SLC25A12: variants seen among roughly 807,000 people sequenced by gnomAD.
SLC25A12 encodes electrogenic aspartate/glutamate antiporter SLC25A12, mitochondrial.
In SLC25A12, 32 loss-of-function variants were observed where a neutral mutation model predicts 83.3. The ratio of observed to expected loss-of-function variants is 0.38; its 90% CI spans 0.29 to 0.52. SLC25A12 has a LOEUF of 0.52. SLC25A12 is among the 20% of genes least tolerant of loss of function. The probability of loss-of-function intolerance (pLI) is 0.84; values close to 1 mark genes in which losing one functional copy is unlikely to be tolerated. For synonymous variants in SLC25A12, 267 were observed against 291.1 expected, an observed-to-expected ratio of 0.92 and a Z score of 0.84; for missense variants, 611 against 835.6, an observed-to-expected ratio of 0.73 and a Z score of 3.31.
intron 2 of SLC25A12, among the ~76,000 whole-genome samples, chr2:171,875,362 CTTGCT>C (rs1685542423): frequency 6.6e-6 from 1 of 152,164 alleles, no homozygotes; most frequent in South Asian, 2.1e-4. Flanking sequence ...TCATTCTTTC[CTTGCT>C]TTGCTGGGCG....
At chr2:171,811,564 T>A (rs1342872549) in intron 11 of SLC25A12, among the ~76,000 whole-genome samples, 1 of 152,200 alleles carries the variant, frequency 6.6e-6, no homozygotes, top group East Asian at 1.9e-4. Flanking sequence ...TTGTCAATCA[T>A]CTGACAGAAT....
intron 13 of SLC25A12, among the ~76,000 whole-genome samples, chr2:171,797,615 G>C (rs547973040): frequency 6.6e-6 from 1 of 152,024 alleles, no homozygotes; most frequent in Non-Finnish European, 1.5e-5. Context: ...GTCTTCTCTC[G>C]CATATTCTTC....
In SLC25A12 at chr2:171,866,259, G is replaced by A. The variant is rs528629438; in HGVS notation, c.209+2422C>T. Among the ~76,000 whole-genome samples the A allele has an allele frequency of 3.3e-3, 476 of 143,130 alleles. 1 individual carries two copies. Among genetic ancestry groups the A allele is most frequent in the Middle Eastern group, 0.014 (4 of 282 alleles). The allele number at this position is 143,130 out of a possible 152,430, so 93.9% of individuals were successfully genotyped here. On this transcript the variant is annotated intron_variant, in intron 3 of 17. Transcript: ENST00000422440. ...TTCTACACAGACACGGCAACCATCC[G>A]ATTTCTCAATCTTTTCCCCACCTTT...
rs1686000754 is a variant in SLC25A12, at chr2:171,894,117, TA to T, written c.12+85del. 4.6e-6 allele frequency: 7 copies of T among 1,517,244 alleles called. No individual in the cohort carries two copies. The Admixed American group carries it at 5.8e-5, about 13-fold the overall frequency. 94.0% of individuals were successfully genotyped at this position (1,517,244 alleles called of 1,614,324 possible). A position where few individuals can be genotyped will look rare whatever the true frequency, so the allele number is the denominator to read the frequency against. Reference sequence around the variant, plus strand: ...AGCTATCTAAGACCTAGACAATGAATAAAATGGGAAGCAGTGGGGGGCTGCA... The same window carrying T: ...AGCTATCTAAGACCTAGACAATGAATAAATGGGAAGCAGTGGGGGGCTGCA... On this transcript the variant is annotated intron_variant, in intron 1 of 17. Coordinates refer to ENST00000422440, the MANE Select transcript of SLC25A12 (RefSeq NM_003705.5).
chr2:171,807,089 T>C (rs755064872), intron 13 of SLC25A12, among the ~76,000 whole-genome samples: 4 of 152,270 alleles, frequency 2.6e-5, no homozygotes, highest in African/African-American at 9.6e-5. Flanking sequence ...CAATCATTTA[T>C]AGCATAGCAT....
intron 4 of SLC25A12, among the ~76,000 whole-genome samples, chr2:171,849,007 T>C (rs1684856326): frequency 6.6e-6 from 1 of 152,132 alleles, no homozygotes; most frequent in Non-Finnish European, 1.5e-5. Context: ...CTGGCCAACA[T>C]GGTAAAACCC....
chr2:171,849,558 C>CTTTTTTT (rs72304626), intron 4 of SLC25A12, among the ~76,000 whole-genome samples: 2 of 114,588 alleles, frequency 1.7e-5, no homozygotes, highest in Non-Finnish European at 1.7e-5. Context: ...GTGGTGTGAT[C>CTTTTTTT]TTTTTTTTTT....
rs373838943 is a variant in SLC25A12, at chr2:171,856,089, A to G, written c.210-140T>C. 117 of 658,772 alleles carry G rather than the reference A, an allele frequency of 1.8e-4. 2 individuals carry two copies. The South Asian group carries it at 1.9e-3, about 11-fold the overall frequency. The allele number at this position is 658,772 out of a possible 1,614,324, so 40.8% of individuals were successfully genotyped here. On this transcript the variant is annotated intron_variant, in intron 3 of 17. Coordinates refer to ENST00000422440, the MANE Select transcript of SLC25A12 (RefSeq NM_003705.5). ...TAGTTTGTTTTTATAGAGGTACTTC[A>G]GATAAGGAAGGAAAGGAGAATTAGA...
intron 13 of SLC25A12, among the ~76,000 whole-genome samples, chr2:171,800,245 T>C (rs1422021778): frequency 3.3e-5 from 5 of 152,090 alleles, no homozygotes; most frequent in Non-Finnish European, 5.9e-5. Context: ...GCTGTATCCA[T>C]GATGTATAAA....
chr2:171,882,207 C>A (rs1021043716), intron 2 of SLC25A12, among the ~76,000 whole-genome samples: 2 of 152,106 alleles, frequency 1.3e-5, no homozygotes, highest in African/African-American at 2.4e-5. Context: ...CTTTCCTTCC[C>A]CCCTTCTGGT....
intron 9 of SLC25A12, among the ~76,000 whole-genome samples, chr2:171,819,386 T>TA (rs1553471784): frequency 1.7e-5 from 2 of 115,138 alleles, no homozygotes; most frequent in South Asian, 2.4e-4. Flanking sequence ...TTATATATAA[T>TA]ATATATTATA....
At chr2:171,859,858 C>T (rs1000633874) in intron 3 of SLC25A12, among the ~76,000 whole-genome samples, 1 of 152,090 alleles carries the variant, frequency 6.6e-6, no homozygotes, top group Non-Finnish European at 1.5e-5. Flanking sequence ...GCCTCCACCT[C>T]CTGGATTCAA....
chr2:171,806,776 T>A (rs544017996), intron 13 of SLC25A12, among the ~76,000 whole-genome samples: 1 of 152,322 alleles, frequency 6.6e-6, no homozygotes, highest in East Asian at 1.9e-4. Context: ...TTGGGTAATT[T>A]TTGGAAGAAC....
At chr2:171,812,047 T>C (rs1683955775) in intron 11 of SLC25A12, among the ~76,000 whole-genome samples, 1 of 152,204 alleles carries the variant, frequency 6.6e-6, no homozygotes, top group Non-Finnish European at 1.5e-5. Context: ...CTGGATATTG[T>C]ACGCCTTTCC....
Position 171,787,770 on chromosome 2 carries a change from G to A in SLC25A12, c.1744+19C>T. The stretch of plus-strand genomic sequence containing the variant: ...CTAGAGCCAGCCAGCCATTCTGTAT[G>A]GCTCCAGCCCCTGCCTACCTGCAGT... On this transcript the variant is annotated intron_variant, in intron 16 of 17. Transcript: ENST00000422440. The A allele has an allele frequency of 6.2e-7, 1 of 1,614,024 alleles. No individual in the cohort carries two copies. Among genetic ancestry groups the A allele is most frequent in the South Asian group, 1.1e-5 (1 of 91,068 alleles).
intron 13 of SLC25A12, among the ~76,000 whole-genome samples, chr2:171,795,278 C>T (rs772785384): frequency 7.9e-5 from 12 of 152,302 alleles, no homozygotes; most frequent in East Asian, 5.8e-4. Context: ...GGTCCCCCAA[C>T]GATGTACTGA....
chr2:171,888,952 A>C (rs1378468563), intron 2 of SLC25A12, among the ~76,000 whole-genome samples: 1 of 152,184 alleles, frequency 6.6e-6, no homozygotes, highest in African/African-American at 2.4e-5. Flanking sequence ...TTCTAAACTC[A>C]AGTGACCCCA....
chr2:171,892,690 T>C (rs1025519074), intron 2 of SLC25A12, among the ~76,000 whole-genome samples: 4 of 148,846 alleles, frequency 2.7e-5, no homozygotes, highest in African/African-American at 7.4e-5. Context: ...AGGTAGACCA[T>C]TGCAAGAATC....
At chr2:171,830,995 G>GT (rs2105882883) in intron 8 of SLC25A12, among the ~76,000 whole-genome samples, 1 of 152,362 alleles carries the variant, frequency 6.6e-6, no homozygotes, top group South Asian at 2.1e-4. Flanking sequence ...CAGGAAACCT[G>GT]TTGGTGAAGT....
Sources: allele counts gnomAD v4.1 joint callset (sites outside exome capture counted in the v4.1 genomes callset), GRCh38; gene constraint gnomAD v4.1.1; transcripts MANE v1.5; gene names NCBI Gene and HGNC (gene_info 2026-07-23, HGNC 2026-07-21).